Variants in TLE1 observed in about 807,000 individuals in gnomAD.
The protein encoded by TLE1 is TLE family member 1, transcriptional corepressor, also known as transducin-like enhancer protein 1.
A neutral mutation model predicts 89.8 loss-of-function variants in TLE1; 21 were observed. The ratio of observed to expected loss-of-function variants is 0.23; its 90% CI spans 0.17 to 0.34. The LOEUF (loss-of-function observed/expected upper bound fraction) is 0.34, where lower values mean the gene tolerates loss of function less well. Ranked by LOEUF, TLE1 falls within the 10% of genes least tolerant of loss-of-function variation. The pLI, the probability that TLE1 is intolerant of heterozygous loss-of-function variation, is 1.00. For missense variants in TLE1, 795 were observed against 1,031.2 expected (o/e 0.77, Z 3.14); for synonymous variants, 447 against 407.6 (o/e 1.10, Z -1.16).
At chr9:81,670,302 A>G (rs1482326232) in intron 4 of TLE1, among the ~76,000 whole-genome samples, 5 of 152,046 alleles carry the variant, frequency 3.3e-5, no homozygotes, top group Admixed American at 6.6e-5. Flanking sequence ...CAATATTCTC[A>G]CAATGCAAAG....
At chr9:81,687,497 G>C in intron 1 of TLE1, 63 bp from the exon 2 acceptor site, 3 of 1,275,576 alleles carry the variant, frequency 2.4e-6, no homozygotes, top group Non-Finnish European at 3.4e-6. Flanking sequence ...AAAGCAGTAA[G>C]TCAGAGAAGG....
chr9:81,621,314 G>A (rs1825226957), intron 8 of TLE1, among the ~76,000 whole-genome samples: 1 of 152,180 alleles, frequency 6.6e-6, no homozygotes, highest in African/African-American at 2.4e-5. Context: ...GGGGTCACAT[G>A]ACATGATCTG....
At chr9:81,663,348 C>CG (rs141837451) in intron 4 of TLE1, among the ~76,000 whole-genome samples, 1 of 23,694 alleles carries the variant, frequency 4.2e-5, no homozygotes, top group Admixed American at 4.8e-4. Context: ...GATCATAGAG[C>CG]AAGAAGCCAC....
intron 6 of TLE1, among the ~76,000 whole-genome samples, chr9:81,645,594 G>A (rs1342092859): frequency 6.6e-6 from 1 of 151,834 alleles, no homozygotes; most frequent in Non-Finnish European, 1.5e-5. Context: ...TACAAAATTA[G>A]CCAGGCGTGG....
At chr9:81,630,952 G>GTAGTTTTCCC (rs1421607469) in intron 8 of TLE1, among the ~76,000 whole-genome samples, 1 of 152,190 alleles carries the variant, frequency 6.6e-6, no homozygotes, top group African/African-American at 2.4e-5. Flanking sequence ...TACAATTAGT[G>GTAGTTTTCCC]TAGTTTTCCC....
At position 81,615,148 on chromosome 9, in the gene TLE1, T is replaced by C. The variant is rs1334756819; in HGVS notation, c.918+834A>G. 2.6e-5 allele frequency among the ~76,000 whole-genome samples: 3 copies of C among 114,884 alleles called. No homozygotes were observed. In the East Asian group the frequency reaches 8.2e-4, roughly 31 times the overall value. The allele number at this position is 114,884 out of a possible 152,430, so 75.4% of individuals were successfully genotyped here. On this transcript the variant is annotated intron_variant, in intron 11 of 19. Transcript: ENST00000376499. ...AAGAAGAAGAAGAAGGCAATGAACA[T>C]GGATGCGTGTACACCCTCTCTAATG...
chr9:81,597,150 T>C (rs188223947), intron 14 of TLE1, among the ~76,000 whole-genome samples: 24 of 152,126 alleles, frequency 1.6e-4, no homozygotes, highest in Middle Eastern at 3.4e-3. Context: ...GGAATAATAA[T>C]AAAACACAGA....
chr9:81,585,329 A>C (rs758455993), intron 18 of TLE1, among the ~76,000 whole-genome samples, 176 bp downstream of exon 18: 16 of 152,224 alleles, frequency 1.1e-4, no homozygotes, highest in Non-Finnish European at 1.9e-4. Context: ...CAAATTAGCA[A>C]AACAGACTGA....
chr9:81,616,150 CA>C lies in TLE1; in HGVS notation c.766-17del, dbSNP rs761367476. 5 of 1,586,856 alleles carry C rather than the reference CA, an allele frequency of 3.2e-6. No homozygotes were observed. In the African/African-American group the frequency reaches 6.9e-5, roughly 22 times the overall value. On this transcript the variant is annotated splice_polypyrimidine_tract_variant and intron_variant, in intron 10 of 19. Transcript: ENST00000376499. Reference sequence around the variant, plus strand: ...AAGAAGGGTCCTCAACAAGCATAATCAAAAGTTTTCGTGATTTAGCTTGTAA... The same window carrying C: ...AAGAAGGGTCCTCAACAAGCATAATCAAAGTTTTCGTGATTTAGCTTGTAA...
chr9:81,675,698 G>GTTTGTTTTTTTTTTTTTTTTTTTTTTTT (rs1554701835), intron 4 of TLE1, among the ~76,000 whole-genome samples: 3 of 129,670 alleles, frequency 2.3e-5, no homozygotes, highest in African/African-American at 9.9e-5. Flanking sequence ...ACTCACACTA[G>GTTTGTTTTTTTTTTTTTTTTTTTTTTTT]TTTTTTTTTG....
intron 4 of TLE1, among the ~76,000 whole-genome samples, chr9:81,668,219 A>C (rs537993789): frequency 3.3e-5 from 5 of 152,146 alleles, no homozygotes; most frequent in Non-Finnish European, 4.4e-5. Flanking sequence ...TGTGGTGGGC[A>C]AGGGTAGGGA....
chr9:81,637,644 CTTT>C (rs11375860), intron 6 of TLE1, among the ~76,000 whole-genome samples: 8 of 138,692 alleles, frequency 5.8e-5, no homozygotes, highest in Non-Finnish European at 7.7e-5. Flanking sequence ...ATGAAAGTTT[CTTT>C]TTTTTTTTTT....
intron 18 of TLE1, 33 bp from the exon 19 acceptor site, chr9:81,584,557 A>G: frequency 6.2e-7 from 1 of 1,603,114 alleles, no homozygotes; most frequent in Non-Finnish European, 8.5e-7. Flanking sequence ...TAGTTTTCAC[A>G]AGGTTAAAAT....
chr9:81,681,723 G>A (rs1205116040), intron 4 of TLE1, among the ~76,000 whole-genome samples: 6 of 152,178 alleles, frequency 3.9e-5, no homozygotes, highest in East Asian at 1.9e-4. Flanking sequence ...TTAACCTGAG[G>A]ACAGTACTGC....
chr9:81,617,443 A>C (rs754101710), intron 9 of TLE1, among the ~76,000 whole-genome samples: 6 of 152,214 alleles, frequency 3.9e-5, no homozygotes, highest in Non-Finnish European at 8.8e-5. Context: ...CACGCCTGTA[A>C]TCCCAGCACT....
intron 10 of TLE1, 114 bp downstream of exon 10, chr9:81,616,532 G>A: frequency 9.8e-7 from 1 of 1,016,196 alleles, no homozygotes; most frequent in South Asian, 1.4e-5. Flanking sequence ...AATGTAAGAA[G>A]TTGCAAGAGG....
In TLE1 at chr9:81,652,098, C is replaced by A. The variant is rs191236080; in HGVS notation, c.372+116G>T. On this transcript the variant is annotated intron_variant, in intron 6 of 19. Transcript: ENST00000376499. ...CTCCCACCCTTATCAAATAGGTCAA[C>A]GTTAAGATACACACACACACACACA... 9.4e-5 allele frequency: 85 copies of A among 905,758 alleles called. 1 individual carries two copies. The Middle Eastern group carries it at 2.8e-3, about 29-fold the overall frequency. 56.1% of individuals were successfully genotyped at this position (905,758 alleles called of 1,614,324 possible).
At chr9:81,635,189 T>C (rs1827216206) in intron 6 of TLE1, among the ~76,000 whole-genome samples, 1 of 152,160 alleles carries the variant, frequency 6.6e-6, no homozygotes, top group African/African-American at 2.4e-5. Flanking sequence ...GGAAGAAACA[T>C]TAGAAACGAA....
intron 13 of TLE1, among the ~76,000 whole-genome samples, chr9:81,611,532 C>CA (rs1448797642): frequency 1.3e-5 from 2 of 152,216 alleles, no homozygotes; most frequent in Non-Finnish European, 2.9e-5. Context: ...TTTTCATCCA[C>CA]AAAAACACTA....
Sources: gnomAD v4.1 joint callset for allele counts (sites outside exome capture counted in the v4.1 genomes callset) on GRCh38, gnomAD v4.1.1 for gene constraint, MANE v1.5 for transcripts, NCBI Gene and HGNC (gene_info 2026-07-23, HGNC 2026-07-21) for gene names.